TTLL12: variants seen among roughly 807,000 people sequenced by gnomAD.
TTLL12 encodes tubulin tyrosine ligase like 12.
TTLL12 carries 77 observed loss-of-function variants against 79.6 expected under a neutral mutation model. The observed-to-expected ratio is 0.97, with a 90% confidence interval of 0.81 to 1.17. TTLL12 has a LOEUF of 1.17. Among genes scored for constraint, TTLL12 ranks in the 50% most tolerant of loss-of-function variants. The pLI is 0.00. For synonymous variants in TTLL12, 437 were observed against 376.1 expected (o/e 1.16, Z -1.87); for missense variants, 969 against 895.9 (o/e 1.08, Z -1.04).
At chr22:43,168,374 C>A (rs1931672013) in intron 13 of TTLL12, among the ~76,000 whole-genome samples, 1 of 151,888 alleles carries the variant, frequency 6.6e-6, no homozygotes, top group Non-Finnish European at 1.5e-5. Flanking sequence ...GCCAGGGCTG[C>A]CTCCAGCCCT....
chr22:43,174,408 A>G lies in TTLL12; in HGVS notation c.1035-5T>C. ...GGCCTCTCCTGGCTGAGTTTCCTGC[A>G]GGGCGGAGGCAGGTGCGCCAGCTCA... On this transcript the variant is annotated splice_region_variant and splice_polypyrimidine_tract_variant and intron_variant, in intron 7 of 13. Transcript: ENST00000216129. The G allele has an allele frequency of 6.4e-7, 1 of 1,559,012 alleles. No individual in the cohort carries two copies. Among genetic ancestry groups the G allele is most frequent in the Non-Finnish European group, 8.7e-7 (1 of 1,148,150 alleles).
In TTLL12 at chr22:43,179,828, G is replaced by A. The variant is rs775723823; in HGVS notation, c.706+13C>T. On this transcript the variant is annotated intron_variant, in intron 4 of 13. Coordinates refer to ENST00000216129, the MANE Select transcript of TTLL12 (RefSeq NM_015140.4). ...GAGGCCCCTCCTCCAGGGCGGGCAGGTGCTGGACTTACCGCCAGTGTCCAG... is the reference window on the plus strand; with the variant it reads ...GAGGCCCCTCCTCCAGGGCGGGCAGATGCTGGACTTACCGCCAGTGTCCAG... 2 of 1,576,740 alleles carry A rather than the reference G, an allele frequency of 1.3e-6. No homozygotes were observed. Among genetic ancestry groups the A allele is most frequent in the East Asian group, 2.3e-5 (1 of 44,340 alleles).
rs531049775 is a variant in TTLL12, at chr22:43,183,005, C to G, written c.322G>C (p.Gly108Arg). ...CTGTTGGGGTGGGCTGCCTGGAGCC[C>G]GCTCTCCCTGGTCACGATGACCTTG... is the stretch of plus-strand genomic sequence containing the variant. ...CYKVIVTRES[G>R]LQAAHPNSIF... The change falls in exon 2 of 14, where the codon GGG becomes CGG. Residue 108 changes from glycine to arginine, a missense_variant. Gly to Arg is a moderately radical substitution (Grantham distance 125, BLOSUM62 -2). Coordinates refer to ENST00000216129, the MANE Select transcript of TTLL12 (RefSeq NM_015140.4). 2 of 1,613,814 alleles carry G rather than the reference C, an allele frequency of 1.2e-6. No individual in the cohort carries two copies. Among genetic ancestry groups the G allele is most frequent in the South Asian group, 1.1e-5 (1 of 91,084 alleles).
At chr22:43,186,002 TAC>T in intron 1 of TTLL12, 1 of 985,416 alleles carries the variant, frequency 1.0e-6, no homozygotes, top group Non-Finnish European at 1.2e-6. Context: ...CAATCAGGAT[TAC>T]ACAGAGAAAA....
At chr22:43,184,968 G>A (rs1042316729) in intron 1 of TTLL12, among the ~76,000 whole-genome samples, 8 of 152,064 alleles carry the variant, frequency 5.3e-5, no homozygotes, top group African/African-American at 1.4e-4. Context: ...GGCGGCTCAC[G>A]TCTGTAATCC....
chr22:43,168,287 G>C (rs1931669928), intron 13 of TTLL12, 128 bp from the exon 14 acceptor site: 1 of 1,334,616 alleles, frequency 7.5e-7, no homozygotes, highest in African/African-American at 1.5e-5. Flanking sequence ...GGATGAGCAG[G>C]ACAAGGCCGG....
At position 43,168,011 on chromosome 22, in the gene TTLL12, G is replaced by C; in HGVS notation, c.1932C>G (p.Val644=). The C allele has an allele frequency of 6.2e-7, 1 of 1,613,808 alleles. No individual in the cohort carries two copies. The change falls in exon 14 of 14, where the codon GTC becomes GTG. Residue 644 remains valine, a synonymous_variant. Transcript: ENST00000216129. ...QPGGCHVTCL[V] is the part of the protein sequence containing the mutation. Reference sequence around the variant, plus strand: ...AGGTTTTGGGGACAGCGAGTGCCTAGACAAGGCAGGTAACGTGGCAGCCAC... The same window carrying C: ...AGGTTTTGGGGACAGCGAGTGCCTACACAAGGCAGGTAACGTGGCAGCCAC...
At chr22:43,169,095 A>G (rs1015127044) in intron 12 of TTLL12, among the ~76,000 whole-genome samples, 183 bp from the exon 13 acceptor site, 12 of 151,962 alleles carry the variant, frequency 7.9e-5, no homozygotes, top group African/African-American at 2.7e-4. Context: ...CCTGACGCCC[A>G]CCTTCTGCAA....
intron 1 of TTLL12, chr22:43,186,108 C>G: frequency 1.7e-6 from 1 of 602,480 alleles, no homozygotes; most frequent in Non-Finnish European, 2.1e-6. Flanking sequence ...GGGGTTTCCA[C>G]TTCATCACCT....
chr22:43,180,062 G>C, intron 3 of TTLL12, 62 bp from the exon 4 acceptor site: 2 of 1,511,842 alleles, frequency 1.3e-6, no homozygotes, highest in Non-Finnish European at 1.8e-6. Context: ...ACTCCCTTCC[G>C]GAACCCAGAC....
In TTLL12 at chr22:43,172,612, G is replaced by A. The variant is rs973354311; in HGVS notation, c.1342-58C>T. ...CAGGACAGAGCCCCCTGGGGCTCCC[G>A]AGCACACAAAGCCACGCAGGGGGCA... On this transcript the variant is annotated intron_variant, in intron 9 of 13. Transcript: ENST00000216129. 32 of 1,603,768 alleles carry A rather than the reference G, an allele frequency of 2.0e-5. 1 individual carries two copies. Among genetic ancestry groups the A allele is most frequent in the South Asian group, 1.9e-4 (17 of 90,310 alleles).
At chr22:43,185,550 C>A (rs991042985) in intron 1 of TTLL12, among the ~76,000 whole-genome samples, 1 of 152,148 alleles carries the variant, frequency 6.6e-6, no homozygotes, top group Non-Finnish European at 1.5e-5. Flanking sequence ...ACACTGGCTG[C>A]CCCTTAGTAG....
intron 5 of TTLL12, 85 bp from the exon 6 acceptor site, chr22:43,176,481 G>A: frequency 1.7e-6 from 2 of 1,148,566 alleles, no homozygotes; most frequent in Non-Finnish European, 2.6e-6. Context: ...CATAATCCCA[G>A]CACTTTGAGA....
At chr22:43,175,000 A>G (rs922673811) in intron 6 of TTLL12, among the ~76,000 whole-genome samples, 12 of 152,244 alleles carry the variant, frequency 7.9e-5, no homozygotes, top group African/African-American at 2.9e-4. Context: ...GGCCTCCGTG[A>G]GGCCTCTGCC....
chr22:43,178,813 A>T (rs2147073418), intron 5 of TTLL12, among the ~76,000 whole-genome samples: 1 of 152,330 alleles, frequency 6.6e-6, no homozygotes, highest in South Asian at 2.1e-4. Flanking sequence ...TCTGTGTCTC[A>T]ATGTCCTCAT....
In TTLL12 at chr22:43,179,841, C is replaced by G. The variant is rs777178577; in HGVS notation, c.706G>C (p.Glu236Gln). ...LWPLRDLDTGEEVTRDFAYGE... is the reference protein window; with the variant it reads ...LWPLRDLDTGQEVTRDFAYGE... ...CAGGGCGGGCAGGTGCTGGACTTACCGCCAGTGTCCAGGTCCCTCAGGGGC... is the reference window on the plus strand; with the variant it reads ...CAGGGCGGGCAGGTGCTGGACTTACGGCCAGTGTCCAGGTCCCTCAGGGGC... Residue 236 changes from glutamate to glutamine, a missense_variant and splice_region_variant, in exon 4 of 14, where the codon GAG becomes CAG. Coordinates refer to ENST00000216129, the MANE Select transcript of TTLL12 (RefSeq NM_015140.4). The G allele has an allele frequency of 1.6e-5, 25 of 1,582,382 alleles. No homozygotes were observed. Among genetic ancestry groups the G allele is most frequent in the Non-Finnish European group, 2.1e-5 (24 of 1,163,050 alleles).
chr22:43,185,134 A>T (rs952792164), intron 1 of TTLL12, among the ~76,000 whole-genome samples: 4 of 151,620 alleles, frequency 2.6e-5, no homozygotes, highest in African/African-American at 9.7e-5. Flanking sequence ...AGGCTGAGGC[A>T]GGAGAATCAT....
Position 43,180,866 on chromosome 22 carries a change from A to T in TTLL12, c.422T>A (p.Leu141Gln). ...CATCAGGTTGGCCATGCGGTGCAGC[A>T]GCCCGGGCACCTGCTGCAGCTGCTG... ...ARQQLQQVPG[L>Q]LHRMANLMGI... The change falls in exon 3 of 14, where the codon CTG becomes CAG. Residue 141 changes from leucine to glutamine, a missense_variant. By Grantham distance (113) the Leu-to-Gln change is moderately radical. Transcript: ENST00000216129. The T allele has an allele frequency of 6.2e-7, 1 of 1,613,000 alleles. No individual in the cohort carries two copies. The highest frequency in any genetic ancestry group is 2.2e-5 in the East Asian group (1 of 44,878).
At chr22:43,182,539 C>T (rs1403316250) in intron 2 of TTLL12, among the ~76,000 whole-genome samples, 1 of 152,228 alleles carries the variant, frequency 6.6e-6, no homozygotes, top group Non-Finnish European at 1.5e-5. Context: ...GCCCTAACTA[C>T]ACCGTGGTCC....
Sources: allele counts gnomAD v4.1 joint callset (sites outside exome capture counted in the v4.1 genomes callset), GRCh38; gene constraint gnomAD v4.1.1; transcripts MANE v1.5; gene names NCBI Gene and HGNC (gene_info 2026-07-23, HGNC 2026-07-21).